The following LRMDA variants were observed in gnomAD, a reference collection of about 807,000 sequenced individuals.
LRMDA encodes the protein leucine rich melanocyte differentiation associated, also known as leucine-rich melanocyte differentiation-associated protein.
A neutral mutation model predicts 29.8 loss-of-function variants in LRMDA; 18 were observed. That is an observed-to-expected ratio of 0.60 (90% CI 0.42 to 0.90). The LOEUF is 0.90. Among genes scored for constraint, LRMDA ranks in the 40% least tolerant of loss-of-function variants. The pLI is 0.00. For synonymous variants in LRMDA, 125 were observed against 109.4 expected (o/e 1.14, Z -0.89); for missense variants, 273 against 273.9 (o/e 1.00, Z 0.02).
intron 2 of LRMDA, among the ~76,000 whole-genome samples, chr10:76,017,868 G>C (rs1052836393): frequency 2.0e-5 from 3 of 152,188 alleles, no homozygotes; most frequent in Non-Finnish European, 4.4e-5. Flanking sequence ...GAGAGCTGAA[G>C]CTTCAACCTG....
chr10:76,128,992 A>C (rs902626076), intron 5 of LRMDA, among the ~76,000 whole-genome samples: 4 of 152,252 alleles, frequency 2.6e-5, no homozygotes, highest in Non-Finnish European at 5.9e-5. Context: ...TCTGTTGCAC[A>C]TATGAAAGTG....
chr10:75,672,697 G>C (rs575547442), intron 2 of LRMDA, among the ~76,000 whole-genome samples: 12 of 144,838 alleles, frequency 8.3e-5, no homozygotes, highest in African/African-American at 3.1e-4. Flanking sequence ...TCCCACCTCC[G>C]TCTCCCAACT....
intron 2 of LRMDA, among the ~76,000 whole-genome samples, chr10:75,875,268 C>T (rs1845176668): frequency 6.6e-6 from 1 of 152,158 alleles, no homozygotes; most frequent in African/African-American, 2.4e-5. Flanking sequence ...ATAGACTATA[C>T]AGAAGTGAGA....
At chr10:76,271,842 T>G (rs1419002068) in intron 5 of LRMDA, among the ~76,000 whole-genome samples, 1 of 152,238 alleles carries the variant, frequency 6.6e-6, no homozygotes, top group African/African-American at 2.4e-5. Flanking sequence ...CTCGCCTTCT[T>G]GTGAATTAAT....
intron 2 of LRMDA, among the ~76,000 whole-genome samples, chr10:75,768,246 C>G (rs568319643): frequency 6.6e-6 from 1 of 152,250 alleles, no homozygotes; most frequent in African/African-American, 2.4e-5. Context: ...ATTAGGCAGC[C>G]CATTCTCCTT....
chr10:75,676,910 G>A (rs2454813), intron 2 of LRMDA, among the ~76,000 whole-genome samples: 92,845 of 151,906 alleles, frequency 0.61, 32,127 homozygotes, highest in Non-Finnish European at 0.77. Flanking sequence ...ATTCCACAAA[G>A]CCCAAGCCAT....
At chr10:76,280,492 T>C (rs1840189246) in intron 5 of LRMDA, among the ~76,000 whole-genome samples, 1 of 152,208 alleles carries the variant, frequency 6.6e-6, no homozygotes, top group South Asian at 2.1e-4. Flanking sequence ...ATACCCTTGA[T>C]TTAACATTTA....
At chr10:76,549,996 A>G (rs559463441) in intron 6 of LRMDA, among the ~76,000 whole-genome samples, 1 of 152,340 alleles carries the variant, frequency 6.6e-6, no homozygotes, top group African/African-American at 2.4e-5. Flanking sequence ...GGACTTTGTA[A>G]AAATAAATGA....
chr10:75,578,639 T>C (rs147628361), intron 2 of LRMDA, among the ~76,000 whole-genome samples: 1 of 152,176 alleles, frequency 6.6e-6, no homozygotes, highest in Non-Finnish European at 1.5e-5. Context: ...AATTACCACA[T>C]AATTGGAAGT....
chr10:76,058,468 G>A (rs1272174402), intron 4 of LRMDA, among the ~76,000 whole-genome samples, 198 bp from the exon 5 acceptor site: 1 of 152,196 alleles, frequency 6.6e-6, no homozygotes, highest in Non-Finnish European at 1.5e-5. Flanking sequence ...GTTTAGTTGT[G>A]CATGTGTGTA....
At chr10:76,132,649 C>G (rs1407831237) in intron 5 of LRMDA, among the ~76,000 whole-genome samples, 32 of 152,052 alleles carry the variant, frequency 2.1e-4, no homozygotes, top group Admixed American at 2.1e-3. Flanking sequence ...TTTGTGGGAG[C>G]GTGTATGTTT....
At chr10:75,474,055 C>T (rs2043089) in intron 2 of LRMDA, among the ~76,000 whole-genome samples, 32,411 of 152,140 alleles carry the variant, frequency 0.21, 4,685 homozygotes, top group African/African-American at 0.42. Flanking sequence ...CCTTGCATTG[C>T]GTTCCAAGTA....
rs533971946 is a variant in LRMDA at position 76,545,671 on chromosome 10, A to G, written c.602-11538A>G. 3.9e-3 allele frequency among the ~76,000 whole-genome samples: 562 copies of G among 144,524 alleles called. 7 individuals are homozygous for G. The highest frequency in any genetic ancestry group is 0.014 in the African/African-American group (535 of 38,992). 94.8% of individuals were successfully genotyped at this position (144,524 alleles called of 152,430 possible). On this transcript the variant is annotated intron_variant, in intron 6 of 6. Coordinates refer to ENST00000611255, the MANE Select transcript of LRMDA (RefSeq NM_001305581.2). Reference sequence around the variant, plus strand: ...TATTATTATTATTATTATTATTATTATTGTTATTATTTAGGTATCATTAGC... The same window carrying G: ...TATTATTATTATTATTATTATTATTGTTGTTATTATTTAGGTATCATTAGC...
intron 2 of LRMDA, among the ~76,000 whole-genome samples, chr10:75,635,487 C>T (rs1841379787): frequency 6.6e-6 from 1 of 151,954 alleles, no homozygotes; most frequent in Non-Finnish European, 1.5e-5. Context: ...GTCTGTCTGT[C>T]CCCCCAAAAT....
At chr10:75,486,948 C>T (rs888513066) in intron 2 of LRMDA, among the ~76,000 whole-genome samples, 3 of 152,292 alleles carry the variant, frequency 2.0e-5, no homozygotes, top group Middle Eastern at 3.4e-3. Flanking sequence ...TTGGCACGCA[C>T]CTCAGTTTGA....
chr10:76,341,867 A>G (rs1258712767), intron 6 of LRMDA, among the ~76,000 whole-genome samples: 1 of 152,196 alleles, frequency 6.6e-6, no homozygotes, highest in Non-Finnish European at 1.5e-5. Flanking sequence ...CCAGGCAGAA[A>G]TAATAGAATC....
intron 2 of LRMDA, among the ~76,000 whole-genome samples, chr10:75,845,399 A>G (rs1844615521): frequency 1.3e-5 from 2 of 152,178 alleles, no homozygotes; most frequent in African/African-American, 4.8e-5. Context: ...TTTAACTGGC[A>G]TTTGTTTCAA....
chr10:76,172,946 A>G lies in LRMDA; in HGVS notation c.516+114163A>G, dbSNP rs557540657. Among the ~76,000 whole-genome samples the G allele has an allele frequency of 2.0e-5, 3 of 152,376 alleles. No homozygotes were observed. In the East Asian group the frequency reaches 5.8e-4, roughly 29 times the overall value. On this transcript the variant is annotated intron_variant, in intron 5 of 6. Coordinates refer to ENST00000611255, the MANE Select transcript of LRMDA (RefSeq NM_001305581.2). Reference sequence around the variant, plus strand: ...CAAAATGGGGAGAAAAATTTGATCAATAGAAACATACACAGATGATAGAAT... The same window carrying G: ...CAAAATGGGGAGAAAAATTTGATCAGTAGAAACATACACAGATGATAGAAT...
At chr10:75,653,403 C>G (rs189928363) in intron 2 of LRMDA, among the ~76,000 whole-genome samples, 2 of 152,128 alleles carry the variant, frequency 1.3e-5, no homozygotes, top group Non-Finnish European at 2.9e-5. Flanking sequence ...TTTTCAGTTC[C>G]TGTCCCCTTC....
Sources: allele counts gnomAD v4.1 joint callset (sites outside exome capture counted in the v4.1 genomes callset), GRCh38; gene constraint gnomAD v4.1.1; transcripts MANE v1.5; gene names NCBI Gene and HGNC (gene_info 2026-07-23, HGNC 2026-07-21).